RIT2: variants seen among roughly 807,000 people sequenced by gnomAD.
The protein encoded by RIT2 is GTP-binding protein Rit2.
In RIT2, 24 loss-of-function variants were observed where a neutral mutation model predicts 23.7. That is an observed-to-expected ratio of 1.01 (90% confidence interval 0.73 to 1.43). The LOEUF is 1.43. Among genes scored for constraint, RIT2 ranks in the 40% most tolerant of loss-of-function variants. The pLI is 0.00. For missense variants in RIT2, 236 were observed against 266.9 expected (o/e 0.88, Z 0.81); for synonymous variants, 107 against 91.1 (o/e 1.17, Z -0.99).
chr18:43,094,140 T>C (rs1215138458), intron 1 of RIT2, among the ~76,000 whole-genome samples: 1 of 149,478 alleles, frequency 6.7e-6, no homozygotes. Context: ...TTTTTTTTTT[T>C]CACTTTGCCT....
At chr18:42,956,337 A>G (rs1909970085) in intron 3 of RIT2, among the ~76,000 whole-genome samples, 1 of 152,166 alleles carries the variant, frequency 6.6e-6, no homozygotes, top group African/African-American at 2.4e-5. Context: ...GCTGATTGCT[A>G]AATAAGTCCT....
chr18:42,859,523 T>C (rs1907271703), intron 4 of RIT2, among the ~76,000 whole-genome samples: 1 of 152,222 alleles, frequency 6.6e-6, no homozygotes, highest in Non-Finnish European at 1.5e-5. Flanking sequence ...TTTGATAATG[T>C]CTTTAAAGCT....
intron 1 of RIT2, among the ~76,000 whole-genome samples, chr18:43,073,840 T>A (rs763679611): frequency 1.2e-4 from 19 of 152,102 alleles, no homozygotes; most frequent in Non-Finnish European, 1.6e-4. Flanking sequence ...AGAAAAAAAT[T>A]AGAAATAATA....
intron 4 of RIT2, among the ~76,000 whole-genome samples, chr18:42,834,907 T>C (rs1477004369): frequency 6.6e-6 from 1 of 152,158 alleles, no homozygotes; most frequent in African/African-American, 2.4e-5. Flanking sequence ...ATTAGTCTCA[T>C]AACAGACATG....
At chr18:42,751,279 T>C (rs1913038942) in intron 4 of RIT2, among the ~76,000 whole-genome samples, 1 of 151,906 alleles carries the variant, frequency 6.6e-6, no homozygotes, top group African/African-American at 2.4e-5. Context: ...GGATTGAAGT[T>C]AAGTCTTTAG....
chr18:43,038,109 G>A (rs561185571), intron 1 of RIT2, among the ~76,000 whole-genome samples: 2 of 151,238 alleles, frequency 1.3e-5, no homozygotes, highest in Non-Finnish European at 2.9e-5. Flanking sequence ...GGAGGCTGAG[G>A]CAGGAGAATA....
chr18:42,760,444 G>A (rs1254700147), intron 4 of RIT2, among the ~76,000 whole-genome samples: 4 of 152,156 alleles, frequency 2.6e-5, no homozygotes, highest in Non-Finnish European at 5.9e-5. Context: ...CAGAGCACCT[G>A]GCAAACAACA....
At chr18:42,936,816 A>T (rs1164062264) in intron 3 of RIT2, among the ~76,000 whole-genome samples, 1 of 152,114 alleles carries the variant, frequency 6.6e-6, no homozygotes, top group Non-Finnish European at 1.5e-5. Flanking sequence ...GTTCGAGACC[A>T]GCTTGACCAC....
chr18:42,981,609 A>G (rs558937068), intron 2 of RIT2, among the ~76,000 whole-genome samples: 2 of 152,242 alleles, frequency 1.3e-5, no homozygotes, highest in East Asian at 3.9e-4. Flanking sequence ...AAAATGCCAT[A>G]ATCTCGAATG....
At chr18:42,925,303 T>C (rs938660102) in intron 3 of RIT2, among the ~76,000 whole-genome samples, 2 of 152,074 alleles carry the variant, frequency 1.3e-5, no homozygotes, top group Admixed American at 1.3e-4. Flanking sequence ...TTTGAAATCC[T>C]ATGTCGCAAT....
At chr18:42,865,642 T>G (rs1907450310) in intron 4 of RIT2, among the ~76,000 whole-genome samples, 1 of 152,090 alleles carries the variant, frequency 6.6e-6, no homozygotes, top group Non-Finnish European at 1.5e-5. Flanking sequence ...AATTGAAGTT[T>G]TAAGAAGAAA....
chr18:43,073,654 TAG>T (rs1208756797), intron 1 of RIT2, among the ~76,000 whole-genome samples: 1 of 152,090 alleles, frequency 6.6e-6, no homozygotes, highest in Admixed American at 6.6e-5. Flanking sequence ...TGAATTGAGT[TAG>T]AGGTGGATGT....
At chr18:42,872,226 G>A (rs1292748984) in intron 4 of RIT2, among the ~76,000 whole-genome samples, 2 of 152,138 alleles carry the variant, frequency 1.3e-5, no homozygotes, top group South Asian at 2.1e-4. Flanking sequence ...GAAGAAAATC[G>A]ATTGGCTGAT....
At chr18:42,809,868 T>C (rs971477786) in intron 4 of RIT2, among the ~76,000 whole-genome samples, 8 of 143,088 alleles carry the variant, frequency 5.6e-5, no homozygotes, top group East Asian at 2.0e-4. Flanking sequence ...TTATATATAA[T>C]ATATATAATT....
chr18:42,787,652 C>A (rs1479185087), intron 4 of RIT2, among the ~76,000 whole-genome samples: 2 of 152,188 alleles, frequency 1.3e-5, no homozygotes, highest in East Asian at 3.9e-4. Context: ...ATGAATGTAT[C>A]TTGTCTCTCA....
intron 4 of RIT2, among the ~76,000 whole-genome samples, chr18:42,763,952 C>T (rs1353658272): frequency 6.6e-6 from 1 of 152,174 alleles, no homozygotes; most frequent in Non-Finnish European, 1.5e-5. Context: ...TTTGGCTTCA[C>T]TATAATCTTA....
intron 3 of RIT2, among the ~76,000 whole-genome samples, chr18:42,932,485 T>C (rs1023476961): frequency 3.3e-5 from 5 of 152,168 alleles, no homozygotes; most frequent in African/African-American, 1.2e-4. Flanking sequence ...TATAATCTGA[T>C]ATCATGCTAC....
At chr18:42,872,812 T>C (rs1241114308) in intron 4 of RIT2, among the ~76,000 whole-genome samples, 1 of 152,186 alleles carries the variant, frequency 6.6e-6, no homozygotes, top group African/African-American at 2.4e-5. Flanking sequence ...TTATTTCTTG[T>C]CCCATATTAA....
chr18:42,824,809 AAGG>A (rs1906250589), intron 4 of RIT2, among the ~76,000 whole-genome samples: 1 of 151,584 alleles, frequency 6.6e-6, no homozygotes, highest in Non-Finnish European at 1.5e-5. Context: ...GAAAAAAACT[AAGG>A]AGAAAAATTT....
Sources: allele counts gnomAD v4.1 joint callset (sites outside exome capture counted in the v4.1 genomes callset), GRCh38; gene constraint gnomAD v4.1.1; transcripts MANE v1.5; gene names NCBI Gene and HGNC (gene_info 2026-07-23, HGNC 2026-07-21).